SMYD3: variants seen among roughly 807,000 people sequenced by gnomAD.
SMYD3 encodes the protein histone-lysine N-methyltransferase SMYD3.
A neutral mutation model predicts 57.7 loss-of-function variants in SMYD3; 36 were observed. The observed-to-expected ratio is 0.62, with a 90% CI of 0.48 to 0.82. The LOEUF (loss-of-function observed/expected upper bound fraction) is 0.82. Ranked by LOEUF, SMYD3 falls within the 40% of genes least tolerant of loss-of-function variation. The pLI is 0.00. For synonymous variants in SMYD3, 211 were observed against 195.0 expected (o/e 1.08, Z -0.68); for missense variants, 515 against 538.8 (o/e 0.96, Z 0.44).
chr1:246,136,732 G>T (rs1290662451), intron 5 of SMYD3, among the ~76,000 whole-genome samples: 1 of 152,176 alleles, frequency 6.6e-6, no homozygotes, highest in Non-Finnish European at 1.5e-5. Flanking sequence ...TAAAATGAAT[G>T]AATAAGTGAA....
In SMYD3 at chr1:245,750,503, G is replaced by A. The variant is rs2045294435; in HGVS notation, c.1186-839C>T. 6.6e-5 allele frequency among the ~76,000 whole-genome samples: 10 copies of A among 152,290 alleles called. No individual in the cohort carries two copies. The South Asian group carries it at 2.1e-3, about 32-fold the overall frequency. On this transcript the variant is annotated intron_variant, in intron 11 of 11. Transcript: ENST00000490107. ...CACCCAGCTGAAGACTGCCAGATCTGTCTTCCCAGATGAAACACCAGACAT... is the reference window on the plus strand; with the variant it reads ...CACCCAGCTGAAGACTGCCAGATCTATCTTCCCAGATGAAACACCAGACAT...
At chr1:245,793,324 A>G (rs1230269399) in intron 10 of SMYD3, among the ~76,000 whole-genome samples, 1 of 151,848 alleles carries the variant, frequency 6.6e-6, no homozygotes, top group Non-Finnish European at 1.5e-5. Flanking sequence ...ACAAAAAAAG[A>G]AATATCTTCC....
intron 5 of SMYD3, among the ~76,000 whole-genome samples, chr1:246,075,752 TAAA>T (rs1421857400): frequency 6.6e-6 from 1 of 152,056 alleles, no homozygotes; most frequent in African/African-American, 2.4e-5. Flanking sequence ...TATGGCTACT[TAAA>T]GAAGTAAAAT....
intron 8 of SMYD3, among the ~76,000 whole-genome samples, chr1:245,874,325 T>C (rs2052375698): frequency 6.6e-6 from 1 of 152,202 alleles, no homozygotes; most frequent in Non-Finnish European, 1.5e-5. Context: ...TGGTATTTGC[T>C]TATCTGCTAA....
At chr1:246,156,816 T>C (rs2062029144) in intron 5 of SMYD3, among the ~76,000 whole-genome samples, 1 of 152,192 alleles carries the variant, frequency 6.6e-6, no homozygotes, top group African/African-American at 2.4e-5. Context: ...TGAAGGCTGA[T>C]GAGGAATTAC....
Position 246,335,468 on chromosome 1 carries a change from C to CT in SMYD3, c.234dup (p.Ala79SerfsTer13). Reference sequence around the variant, plus strand: ...CATTCCCGCTTGTGGTCTGGCCAAGCTTTTTTCTATTAAAACAAGAGTGGG... The same window carrying CT: ...CATTCCCGCTTGTGGTCTGGCCAAGCTTTTTTTCTATTAAAACAAGAGTGGG... On this transcript the variant is annotated frameshift_variant, in exon 3 of 12. Coordinates refer to ENST00000490107, the MANE Select transcript of SMYD3 (RefSeq NM_001167740.2). LOFTEE classifies it high-confidence loss of function. 3 of 1,614,020 alleles carry CT rather than the reference C, an allele frequency of 1.9e-6. No individual in the cohort carries two copies. In the South Asian group the frequency reaches 3.3e-5, roughly 18 times the overall value.
At position 246,458,183 on chromosome 1, in the gene SMYD3, G is replaced by A. The variant is rs570252067; in HGVS notation, c.164+48871C>T. Among the ~76,000 whole-genome samples the A allele has an allele frequency of 7.2e-5, 11 of 152,262 alleles. No individual in the cohort carries two copies. The South Asian group carries it at 2.3e-3, about 32-fold the overall frequency. ...ACCCGAGGGTCAGGCTACAAGGACAGATATTAAAATAATGACTGAGCCCAC... is the reference window on the plus strand; with the variant it reads ...ACCCGAGGGTCAGGCTACAAGGACAAATATTAAAATAATGACTGAGCCCAC... On this transcript the variant is annotated intron_variant, in intron 1 of 11. Coordinates refer to ENST00000490107, the MANE Select transcript of SMYD3 (RefSeq NM_001167740.2).
intron 11 of SMYD3, among the ~76,000 whole-genome samples, chr1:245,756,083 G>A (rs76734383): frequency 0.036 from 5,377 of 147,606 alleles, 146 homozygotes; most frequent in East Asian, 0.087. Context: ...GTTGCTCCAC[G>A]TCTTATTATT....
At chr1:245,931,102 C>T (rs1190386778) in intron 5 of SMYD3, among the ~76,000 whole-genome samples, 1 of 152,190 alleles carries the variant, frequency 6.6e-6, no homozygotes, top group Non-Finnish European at 1.5e-5. Flanking sequence ...GGATCACTTA[C>T]GGCCCTACTG....
intron 8 of SMYD3, among the ~76,000 whole-genome samples, chr1:245,911,510 T>TATAC (rs1553359234): frequency 9.2e-4 from 138 of 150,668 alleles, no homozygotes; most frequent in African/African-American, 3.0e-3. Flanking sequence ...TATATATATA[T>TATAC]ACACACACAT....
At chr1:246,212,760 A>G (rs995126947) in intron 5 of SMYD3, among the ~76,000 whole-genome samples, 1 of 152,186 alleles carries the variant, frequency 6.6e-6, no homozygotes, top group African/African-American at 2.4e-5. Flanking sequence ...ATTTCCATAA[A>G]GATCTAATAA....
At chr1:246,096,907 C>G (rs1200471981) in intron 5 of SMYD3, among the ~76,000 whole-genome samples, 2 of 152,172 alleles carry the variant, frequency 1.3e-5, no homozygotes, top group Non-Finnish European at 2.9e-5. Context: ...TGAGTCCCTG[C>G]TAGTTTCTAG....
At chr1:245,996,426 TATAGA>T (rs1451665590) in intron 5 of SMYD3, among the ~76,000 whole-genome samples, 1 of 152,204 alleles carries the variant, frequency 6.6e-6, no homozygotes, top group Non-Finnish European at 1.5e-5. Flanking sequence ...AATGGGTTTA[TATAGA>T]ATAGAATTCA....
At chr1:246,369,156 G>A (rs1426570980) in intron 1 of SMYD3, among the ~76,000 whole-genome samples, 1 of 152,082 alleles carries the variant, frequency 6.6e-6, no homozygotes, top group Non-Finnish European at 1.5e-5. Flanking sequence ...ATCATGCTTG[G>A]TTCACAGAAG....
At chr1:245,861,866 CTG>C (rs2051566502) in intron 9 of SMYD3, among the ~76,000 whole-genome samples, 1 of 97,508 alleles carries the variant, frequency 1.0e-5, no homozygotes, top group Non-Finnish European at 3.2e-5. Context: ...GAGTGCAGGG[CTG>C]TGTCTTCTAA....
intron 1 of SMYD3, among the ~76,000 whole-genome samples, chr1:246,393,747 T>C (rs2148772652): frequency 6.6e-6 from 1 of 151,358 alleles, no homozygotes; most frequent in South Asian, 2.1e-4. Flanking sequence ...TCCCAGCTAC[T>C]TGGGAGGCTG....
At chr1:246,137,247 C>T (rs1032901455) in intron 5 of SMYD3, among the ~76,000 whole-genome samples, 9 of 152,134 alleles carry the variant, frequency 5.9e-5, no homozygotes, top group African/African-American at 1.9e-4. Context: ...AAACTCTGGA[C>T]CTATTAGTGG....
intron 5 of SMYD3, among the ~76,000 whole-genome samples, chr1:245,961,559 CTGT>C (rs1379542902): frequency 2.0e-5 from 3 of 151,296 alleles, no homozygotes; most frequent in Non-Finnish European, 4.4e-5. Context: ...TCTCTTCTAC[CTGT>C]TGTTTCTGGA....
At position 246,498,347 on chromosome 1, in the gene SMYD3, G is replaced by A. The variant is rs185697021; in HGVS notation, c.164+8707C>T. Among the ~76,000 whole-genome samples the A allele has an allele frequency of 4.6e-5, 7 of 152,332 alleles. No homozygotes were observed. In the East Asian group the frequency reaches 9.6e-4, roughly 21 times the overall value. On this transcript the variant is annotated intron_variant, in intron 1 of 11. Transcript: ENST00000490107. ...AAATTGAGCATTATGGAGCTATAAC[G>A]AATAAGGAAGATCTCCATGAACTGA...
Sources: allele counts gnomAD v4.1 joint callset (sites outside exome capture counted in the v4.1 genomes callset), GRCh38; gene constraint gnomAD v4.1.1; transcripts MANE v1.5; gene names NCBI Gene and HGNC (gene_info 2026-07-23, HGNC 2026-07-21).